The following SND1 variants were observed in gnomAD, a reference collection of about 807,000 sequenced individuals.
SND1 encodes staphylococcal nuclease domain-containing protein 1.
Under a neutral mutation model 121.7 loss-of-function variants are expected in SND1, and 38 were observed. That is an observed-to-expected ratio of 0.31 (90% CI 0.24 to 0.41). The LOEUF (loss-of-function observed/expected upper bound fraction) is 0.41, where lower values mean the gene tolerates loss of function less well. Among genes scored for constraint, SND1 ranks in the 10% least tolerant of loss-of-function variants. The pLI, the probability that SND1 is intolerant of heterozygous loss-of-function variation, is 1.00. For missense variants in SND1, 868 were observed against 1,184.6 expected (o/e 0.73, Z 3.92); for synonymous variants, 401 against 447.4 (o/e 0.90, Z 1.31).
intron 16 of SND1, among the ~76,000 whole-genome samples, chr7:128,021,817 T>C (rs1803354529): frequency 6.6e-6 from 1 of 152,222 alleles, no homozygotes; most frequent in Admixed American, 6.5e-5. Context: ...GGTCCTGTTA[T>C]GGCAGATGAG....
chr7:127,970,058 T>C (rs930378765), intron 15 of SND1, among the ~76,000 whole-genome samples: 6 of 152,224 alleles, frequency 3.9e-5, no homozygotes, highest in African/African-American at 1.4e-4. Flanking sequence ...TCTTCTCCAG[T>C]AGTCTATATA....
chr7:127,999,632 A>G (rs1241226597), intron 16 of SND1: 2 of 152,092 alleles, frequency 1.3e-5, no homozygotes, highest in Admixed American at 6.6e-5. Flanking sequence ...ATCTCAATTG[A>G]AGCTGGATGA....
intron 15 of SND1, among the ~76,000 whole-genome samples, chr7:127,939,514 G>T (rs1461907137): frequency 3.9e-5 from 6 of 152,236 alleles, no homozygotes; most frequent in Non-Finnish European, 8.8e-5. Flanking sequence ...ATGAATTCTT[G>T]CCCTCCTGCT....
chr7:128,010,622 GGTTATT>G (rs1234482698), intron 16 of SND1, among the ~76,000 whole-genome samples: 1 of 152,248 alleles, frequency 6.6e-6, no homozygotes, highest in African/African-American at 2.4e-5. Flanking sequence ...TGCCTCTGGT[GGTTATT>G]GTACTCATGT....
At chr7:127,784,506 T>G (rs1357034612) in intron 10 of SND1, among the ~76,000 whole-genome samples, 3 of 152,242 alleles carry the variant, frequency 2.0e-5, no homozygotes, top group East Asian at 1.9e-4. Context: ...TCATTATTTC[T>G]TAAAGAACAA....
intron 22 of SND1, among the ~76,000 whole-genome samples, chr7:128,091,420 G>A (rs183988534): frequency 2.8e-4 from 43 of 151,698 alleles, no homozygotes; most frequent in African/African-American, 1.0e-3. Flanking sequence ...GATGGGGTCA[G>A]CCTGGTCTTG....
intron 15 of SND1, among the ~76,000 whole-genome samples, chr7:127,941,679 T>C (rs1376153631): frequency 2.0e-5 from 3 of 152,226 alleles, no homozygotes; most frequent in Non-Finnish European, 2.9e-5. Context: ...TCCACTGATA[T>C]ACCAGTTCGC....
chr7:128,041,519 CTG>C (rs1473653163), intron 16 of SND1, among the ~76,000 whole-genome samples: 2 of 152,216 alleles, frequency 1.3e-5, no homozygotes, highest in Non-Finnish European at 2.9e-5. Context: ...AGAGGCAACT[CTG>C]TCTGCAAATG....
chr7:128,046,093 A>T (rs1792941065), intron 16 of SND1, among the ~76,000 whole-genome samples: 3 of 152,082 alleles, frequency 2.0e-5, no homozygotes, highest in African/African-American at 7.2e-5. Context: ...ATGAATTTGG[A>T]TACAGAAAAT....
At chr7:128,070,764 T>C (rs748393684) in intron 16 of SND1, among the ~76,000 whole-genome samples, 7 of 152,218 alleles carry the variant, frequency 4.6e-5, no homozygotes, top group Non-Finnish European at 1.0e-4. Context: ...ATTAACTCTA[T>C]GTGTCTATAC....
At chr7:127,740,615 A>C (rs1796863287) in intron 10 of SND1, among the ~76,000 whole-genome samples, 1 of 152,232 alleles carries the variant, frequency 6.6e-6, no homozygotes, top group African/African-American at 2.4e-5. Flanking sequence ...TGCACATCAG[A>C]AATCACCCAG....
At chr7:127,914,900 G>A (rs898751863) in intron 14 of SND1, among the ~76,000 whole-genome samples, 4 of 152,144 alleles carry the variant, frequency 2.6e-5, no homozygotes, top group Non-Finnish European at 4.4e-5. Flanking sequence ...GTGGGAAATG[G>A]GTATGATAAT....
At chr7:127,708,056 G>A (rs748932437) in intron 9 of SND1, among the ~76,000 whole-genome samples, 4 of 152,048 alleles carry the variant, frequency 2.6e-5, no homozygotes, top group Non-Finnish European at 5.9e-5. Context: ...AACCACATTT[G>A]GAGTATCCAT....
chr7:127,861,234 G>A (rs555893409), intron 12 of SND1, among the ~76,000 whole-genome samples: 3 of 152,170 alleles, frequency 2.0e-5, no homozygotes, highest in South Asian at 2.1e-4. Flanking sequence ...ATATCATTTG[G>A]TCTTAGATAA....
rs942338158 is a variant in SND1 at position 127,983,060 on chromosome 7, C to A, written c.1670-7887C>A. Among the ~76,000 whole-genome samples the A allele has an allele frequency of 2.0e-5, 3 of 152,306 alleles. No homozygotes were observed. The East Asian group carries it at 5.8e-4, about 29-fold the overall frequency. ...GTTGGCGCTGAAGAATTTTTGAAAT[C>A]GGCCTGGACAAACTTAAAAGTGTTG... On this transcript the variant is annotated intron_variant, in intron 15 of 23. Transcript: ENST00000354725.
chr7:127,915,996 ATGTGTGTGTGTGTG>A (rs57570326), intron 14 of SND1, among the ~76,000 whole-genome samples: 6,169 of 149,126 alleles, frequency 0.041, 363 homozygotes, highest in African/African-American at 0.13. Context: ...AGAACAGCAT[ATGTGTGTGTGTGTG>A]TGTGTGTGTG....
At chr7:128,010,872 G>A (rs1367537992) in intron 16 of SND1, among the ~76,000 whole-genome samples, 1 of 152,202 alleles carries the variant, frequency 6.6e-6, no homozygotes, top group Non-Finnish European at 1.5e-5. Flanking sequence ...CAGAGCCCCT[G>A]TGGAGCCGCC....
At chr7:127,879,009 G>A (rs1799740929) in intron 12 of SND1, among the ~76,000 whole-genome samples, 2 of 152,140 alleles carry the variant, frequency 1.3e-5, no homozygotes, top group Admixed American at 1.3e-4. Context: ...GAAGACTGGA[G>A]AATAAAAAAC....
At chr7:127,917,795 A>C (rs1800616375) in intron 14 of SND1, among the ~76,000 whole-genome samples, 1 of 152,190 alleles carries the variant, frequency 6.6e-6, no homozygotes, top group Admixed American at 6.5e-5. Context: ...ACTGTGCTTA[A>C]ATCTGTTTTT....
Sources: allele counts gnomAD v4.1 joint callset (sites outside exome capture counted in the v4.1 genomes callset), GRCh38; gene constraint gnomAD v4.1.1; transcripts MANE v1.5; gene names NCBI Gene and HGNC (gene_info 2026-07-23, HGNC 2026-07-21).